The following MAN2A1 variants were observed in gnomAD, a reference collection of about 807,000 sequenced individuals.
MAN2A1 encodes alpha-mannosidase 2.
A neutral mutation model predicts 142.6 loss-of-function variants in MAN2A1; 76 were observed. That is an observed-to-expected ratio of 0.53 (90% CI 0.44 to 0.65). MAN2A1 has a LOEUF of 0.65. Ranked by LOEUF, MAN2A1 falls within the 30% of genes least tolerant of loss-of-function variation. The probability of loss-of-function intolerance (pLI) is 0.00; values close to 1 mark genes in which losing one functional copy is unlikely to be tolerated. For missense variants in MAN2A1, 1,311 were observed against 1,365.1 expected, an observed-to-expected ratio of 0.96 and a Z score of 0.62; for synonymous variants, 559 against 473.2, an observed-to-expected ratio of 1.18 and a Z score of -2.35.
chr5:109,716,287 A>C (rs773332356), intron 3 of MAN2A1, 23 bp downstream of exon 3: 1 of 1,584,842 alleles, frequency 6.3e-7, no homozygotes, highest in South Asian at 1.2e-5. Context: ...CTTCAAAAAG[A>C]CAGGAGGTTA....
At chr5:109,759,960 TATATAG>T (rs879696461) in intron 5 of MAN2A1, among the ~76,000 whole-genome samples, 3,420 of 35,756 alleles carry the variant, frequency 0.096, 44 homozygotes, top group Non-Finnish European at 0.12. Context: ...TATATATATA[TATATAG>T]ATAGATAGAT....
intron 12 of MAN2A1, among the ~76,000 whole-genome samples, chr5:109,791,903 A>G (rs1753746868): frequency 6.6e-6 from 1 of 152,088 alleles, no homozygotes; most frequent in Non-Finnish European, 1.5e-5. Flanking sequence ...AGTTATAGCA[A>G]TAAACCTAAC....
intron 12 of MAN2A1, among the ~76,000 whole-genome samples, chr5:109,812,639 A>T (rs1490096848): frequency 1.3e-5 from 2 of 152,192 alleles, no homozygotes; most frequent in Non-Finnish European, 2.9e-5. Context: ...AGACAAAATG[A>T]GCTCTAATTT....
chr5:109,770,787 T>TA (rs148599579), intron 7 of MAN2A1, among the ~76,000 whole-genome samples: 249 of 152,270 alleles, frequency 1.6e-3, no homozygotes, highest in African/African-American at 5.9e-3. Flanking sequence ...AATACACTAT[T>TA]ATTACCATCT....
chr5:109,731,889 G>T (rs1000303959), intron 4 of MAN2A1, among the ~76,000 whole-genome samples: 51 of 149,900 alleles, frequency 3.4e-4, no homozygotes, highest in Admixed American at 6.6e-4. Context: ...TAATGGGATG[G>T]CTGGGTCAAA....
intron 4 of MAN2A1, among the ~76,000 whole-genome samples, chr5:109,746,126 C>T (rs1038557212): frequency 4.6e-5 from 7 of 152,248 alleles, no homozygotes; most frequent in Admixed American, 2.0e-4. Context: ...AGGCATGTGC[C>T]GCCACACCCA....
Position 109,824,979 on chromosome 5 carries a change from A to G in MAN2A1, c.2566+1142A>G, listed in dbSNP as rs1214065419. 2.6e-5 allele frequency among the ~76,000 whole-genome samples: 4 copies of G among 152,342 alleles called. No individual in the cohort carries two copies. The East Asian group carries it at 7.7e-4, about 29-fold the overall frequency. ...TAACCCATGATTCATAGGATGAATC[A>G]AGAAGTAAAAGTTCTCTGGCAGGTG... On this transcript the variant is annotated intron_variant, in intron 16 of 21. Transcript: ENST00000261483.
At chr5:109,740,032 C>T (rs1469382016) in intron 4 of MAN2A1, among the ~76,000 whole-genome samples, 1 of 152,188 alleles carries the variant, frequency 6.6e-6, no homozygotes, top group Non-Finnish European at 1.5e-5. Context: ...CCTGTGTTCC[C>T]TGCAGCATGA....
At chr5:109,729,880 T>C (rs1242854588) in intron 4 of MAN2A1, among the ~76,000 whole-genome samples, 2 of 151,990 alleles carry the variant, frequency 1.3e-5, no homozygotes, top group Non-Finnish European at 2.9e-5. Flanking sequence ...TAATTCCAAC[T>C]ACTCAGGAGG....
Position 109,820,384 on chromosome 5 carries a change from T to C in MAN2A1, c.2451+42T>C, listed in dbSNP as rs532434418. 12 of 1,559,456 alleles carry C rather than the reference T, an allele frequency of 7.7e-6. No individual in the cohort carries two copies. In the African/African-American group the frequency reaches 9.6e-5, roughly 12 times the overall value. On this transcript the variant is annotated intron_variant, in intron 15 of 21. Transcript: ENST00000261483. Reference sequence around the variant, plus strand: ...AGATGACAAATGGAATAAACACTTATTGAAAGAGTATTGAGGAAAAAGATA... The same window carrying C: ...AGATGACAAATGGAATAAACACTTACTGAAAGAGTATTGAGGAAAAAGATA...
chr5:109,706,465 T>A (rs190498674), intron 1 of MAN2A1, among the ~76,000 whole-genome samples: 6 of 152,352 alleles, frequency 3.9e-5, no homozygotes, highest in Admixed American at 2.0e-4. Context: ...GATATTAGTA[T>A]CTGCATTTTG....
chr5:109,845,484 A>G (rs1443069512), intron 17 of MAN2A1, among the ~76,000 whole-genome samples: 2 of 152,212 alleles, frequency 1.3e-5, no homozygotes, highest in African/African-American at 2.4e-5. Context: ...ATAGAGAGGT[A>G]TTATACTTAG....
rs372979731 is a variant in MAN2A1, at chr5:109,861,211, A to G, written c.3172-3825A>G. ...ACCTTAGAGATGTTCTGAGGATTGG[A>G]GATAATTTTAGTGTTAGTAAAGCAC... On this transcript the variant is annotated intron_variant, in intron 20 of 21. Transcript: ENST00000261483. Among the ~76,000 whole-genome samples, 13 of 152,130 alleles carry G rather than the reference A, an allele frequency of 8.5e-5. No individual in the cohort carries two copies. In the East Asian group the frequency reaches 1.9e-3, roughly 23 times the overall value.
intron 1 of MAN2A1, among the ~76,000 whole-genome samples, chr5:109,691,049 G>A (rs1750657489): frequency 6.6e-6 from 1 of 152,186 alleles, no homozygotes; most frequent in African/African-American, 2.4e-5. Context: ...CCTCTGAAGA[G>A]AGAGAAGTTT....
chr5:109,732,804 C>G (rs1448378853), intron 4 of MAN2A1, among the ~76,000 whole-genome samples: 1 of 151,908 alleles, frequency 6.6e-6, no homozygotes, highest in Non-Finnish European at 1.5e-5. Flanking sequence ...TGTGATGCCT[C>G]CAGCTTTGTT....
chr5:109,798,839 A>C (rs181388158), intron 12 of MAN2A1, among the ~76,000 whole-genome samples: 206 of 151,546 alleles, frequency 1.4e-3, no homozygotes, highest in African/African-American at 4.7e-3. Flanking sequence ...CCGCCACCAC[A>C]CTGGGCCAAT....
intron 4 of MAN2A1, among the ~76,000 whole-genome samples, chr5:109,746,579 T>C: frequency 6.6e-6 from 1 of 151,944 alleles, no homozygotes; most frequent in Non-Finnish European, 1.5e-5. Context: ...CTGGTTTTTT[T>C]TTTTTTTTTT....
intron 5 of MAN2A1, among the ~76,000 whole-genome samples, chr5:109,759,004 A>G (rs1478594623): frequency 6.6e-6 from 1 of 152,038 alleles, no homozygotes; most frequent in Non-Finnish European, 1.5e-5. Context: ...TATAAGCTTG[A>G]CATTGGGAAG....
At chr5:109,795,536 C>A (rs895592974) in intron 12 of MAN2A1, among the ~76,000 whole-genome samples, 3 of 152,118 alleles carry the variant, frequency 2.0e-5, no homozygotes. Context: ...GCTTGACAGT[C>A]AGTGTATTAT....
Sources: allele counts gnomAD v4.1 joint callset (sites outside exome capture counted in the v4.1 genomes callset), GRCh38; gene constraint gnomAD v4.1.1; transcripts MANE v1.5; gene names NCBI Gene and HGNC (gene_info 2026-07-23, HGNC 2026-07-21).